Variants in DSCAML1 observed in about 807,000 individuals in gnomAD.
The protein encoded by DSCAML1 is DS cell adhesion molecule like 1.
In DSCAML1, 38 loss-of-function variants were observed where a neutral mutation model predicts 200.5. That is an observed-to-expected ratio of 0.19 (90% CI 0.15 to 0.25). The LOEUF is 0.25. Ranked by LOEUF, DSCAML1 falls within the 10% of genes least tolerant of loss-of-function variation. The pLI is 1.00. For missense variants in DSCAML1, 2,223 were observed against 2,858.8 expected (o/e 0.78, Z 5.07); for synonymous variants, 1,215 against 1,165.0 (o/e 1.04, Z -0.87).
chr11:117,785,853 A>C (rs907407755), intron 1 of DSCAML1, among the ~76,000 whole-genome samples: 1 of 152,118 alleles, frequency 6.6e-6, no homozygotes, highest in Non-Finnish European at 1.5e-5. Context: ...GTCTCATTTT[A>C]AGGGTGAGGA....
intron 3 of DSCAML1, among the ~76,000 whole-genome samples, chr11:117,699,760 C>T (rs1257126070): frequency 1.3e-5 from 2 of 152,332 alleles, no homozygotes; most frequent in Non-Finnish European, 1.5e-5. Context: ...GAACTTTCTC[C>T]CAGTAAGTCA....
At chr11:117,727,828 T>C (rs765727413) in intron 3 of DSCAML1, among the ~76,000 whole-genome samples, 8 of 152,196 alleles carry the variant, frequency 5.3e-5, no homozygotes, top group Non-Finnish European at 1.0e-4. Context: ...TTACTACCCA[T>C]GATGATATCT....
intron 3 of DSCAML1, among the ~76,000 whole-genome samples, chr11:117,673,041 T>C (rs1470640826): frequency 6.6e-6 from 1 of 152,146 alleles, no homozygotes; most frequent in African/African-American, 2.4e-5. Flanking sequence ...CTGTGCTTGC[T>C]CATCTCCTCG....
chr11:117,669,919 C>T (rs1207058420), intron 3 of DSCAML1, among the ~76,000 whole-genome samples: 1 of 152,208 alleles, frequency 6.6e-6, no homozygotes, highest in Non-Finnish European at 1.5e-5. Flanking sequence ...AGGACAAGAC[C>T]ACAGGGGCCT....
chr11:117,770,100 G>A (rs572452312), intron 3 of DSCAML1, among the ~76,000 whole-genome samples: 34 of 152,246 alleles, frequency 2.2e-4, no homozygotes, highest in African/African-American at 7.5e-4. Context: ...TTGAGGGCCC[G>A]TCTCCTTCAG....
intron 1 of DSCAML1, among the ~76,000 whole-genome samples, chr11:117,802,388 T>C (rs2055668920): frequency 6.6e-6 from 1 of 152,184 alleles, no homozygotes; most frequent in African/African-American, 2.4e-5. Context: ...TCTCCTCTTC[T>C]AGACACTGGG....
At chr11:117,641,876 C>T (rs781573595) in intron 3 of DSCAML1, among the ~76,000 whole-genome samples, 4 of 152,110 alleles carry the variant, frequency 2.6e-5, no homozygotes, top group Non-Finnish European at 5.9e-5. Flanking sequence ...CTTCATGGTG[C>T]TGAGAAGAGG....
At chr11:117,665,588 C>A (rs2052959332) in intron 3 of DSCAML1, among the ~76,000 whole-genome samples, 1 of 152,162 alleles carries the variant, frequency 6.6e-6, no homozygotes, top group South Asian at 2.1e-4. Flanking sequence ...GCAATGGCTT[C>A]CTGGAAAATC....
intron 3 of DSCAML1, among the ~76,000 whole-genome samples, chr11:117,671,837 C>T (rs187997148): frequency 3.2e-4 from 49 of 152,122 alleles, no homozygotes; most frequent in African/African-American, 1.0e-3. Context: ...TTGGGGCCGG[C>T]GCGGTGGCTC....
chr11:117,530,582 G>A (rs2050059825), intron 4 of DSCAML1, among the ~76,000 whole-genome samples: 1 of 152,224 alleles, frequency 6.6e-6, no homozygotes. Flanking sequence ...CACCTCGTGT[G>A]TGTTAGGCAC....
intron 20 of DSCAML1, among the ~76,000 whole-genome samples, chr11:117,444,693 C>A (rs1490456009): frequency 6.6e-6 from 1 of 152,116 alleles, no homozygotes; most frequent in Non-Finnish European, 1.5e-5. Flanking sequence ...ACAGTTTTGA[C>A]AAGTTGCCAA....
intron 17 of DSCAML1, among the ~76,000 whole-genome samples, chr11:117,462,347 G>A (rs2048497201): frequency 1.3e-5 from 2 of 152,182 alleles, no homozygotes; most frequent in South Asian, 4.1e-4. Context: ...TTCACCCTGG[G>A]GCGCAGTGCA....
chr11:117,625,679 T>C (rs1292685306), intron 3 of DSCAML1, among the ~76,000 whole-genome samples: 1 of 152,206 alleles, frequency 6.6e-6, no homozygotes, highest in African/African-American at 2.4e-5. Context: ...GGCGTCTCCA[T>C]GGTAGATCTC....
At chr11:117,769,434 TTATATA>T (rs2054985896) in intron 3 of DSCAML1, among the ~76,000 whole-genome samples, 1 of 46,506 alleles carries the variant, frequency 2.2e-5, no homozygotes, top group African/African-American at 8.7e-5. Context: ...ATATATATTT[TTATATA>T]ATATATATTT....
chr11:117,622,776 G>C (rs570471245), intron 3 of DSCAML1, among the ~76,000 whole-genome samples: 1 of 152,108 alleles, frequency 6.6e-6, no homozygotes, highest in Admixed American at 6.5e-5. Flanking sequence ...GGTGCTCCTC[G>C]TTCTCCCCCA....
chr11:117,566,340 T>TCTC (rs1555185525), intron 3 of DSCAML1, among the ~76,000 whole-genome samples: 8 of 141,790 alleles, frequency 5.6e-5, no homozygotes, highest in Admixed American at 7.2e-5. Flanking sequence ...TTTCTTTTCT[T>TCTC]TCTCTCTCTC....
At chr11:117,802,375 T>C (rs561012326) in intron 1 of DSCAML1, among the ~76,000 whole-genome samples, 6 of 152,324 alleles carry the variant, frequency 3.9e-5, no homozygotes, top group African/African-American at 1.4e-4. Flanking sequence ...TGTGTCTGAC[T>C]TGTCTCCTCT....
In DSCAML1 at chr11:117,498,929, T is replaced by C. The variant is rs2049343805; in HGVS notation, c.2359+4916A>G. On this transcript the variant is annotated intron_variant, in intron 11 of 32. Transcript: ENST00000651296. The surrounding 1 kb of genome is among the most constrained non-coding windows in gnomAD (Gnocchi z 4.0). ...TGGGCTTTGTCTAGAACCCAATCAC[T>C]GGTGCCTTCGCAGAGTGGAAGAGAG... Among the ~76,000 whole-genome samples, 1 of 152,212 alleles carries C rather than the reference T, an allele frequency of 6.6e-6. No homozygotes were observed. Among genetic ancestry groups the C allele is most frequent in the Non-Finnish European group, 1.5e-5 (1 of 68,042 alleles).
chr11:117,483,587 G>A lies in DSCAML1; in HGVS notation c.2360-1425C>T, dbSNP rs760180796. ...AGACAAGACTAGCAATTTCAGTGAA[G>A]AGTGGTGAGTCCTATGCTGGGAGAA... On this transcript the variant is annotated intron_variant, in intron 11 of 32. Transcript: ENST00000651296. 2.2e-4 allele frequency among the ~76,000 whole-genome samples: 33 copies of A among 152,194 alleles called. 1 individual carries two copies. The highest frequency in any genetic ancestry group is 1.6e-4 in the Non-Finnish European group (11 of 68,034).
Sources: allele counts gnomAD v4.1 joint callset (sites outside exome capture counted in the v4.1 genomes callset), GRCh38; gene constraint gnomAD v4.1.1; non-coding constraint Gnocchi (gnomAD v3.1); transcripts MANE v1.5; gene names NCBI Gene and HGNC (gene_info 2026-07-23, HGNC 2026-07-21).